The following SLC35F1 variants were observed in gnomAD, a reference collection of about 807,000 sequenced individuals.
SLC35F1 encodes the protein solute carrier family 35 member F1, also known as chromosome 6 open reading frame 169.
Under a neutral mutation model 48.7 loss-of-function variants are expected in SLC35F1, and 14 were observed. The ratio of observed to expected loss-of-function variants is 0.29; its 90% CI spans 0.19 to 0.45. The LOEUF is 0.45. Ranked by LOEUF, SLC35F1 falls within the 20% of genes least tolerant of loss-of-function variation. The probability of loss-of-function intolerance (pLI) is 1.00; values close to 1 mark genes in which losing one functional copy is unlikely to be tolerated. For synonymous variants in SLC35F1, 190 were observed against 202.2 expected (o/e 0.94, Z 0.51); for missense variants, 404 against 500.0 (o/e 0.81, Z 1.83).
intron 1 of SLC35F1, among the ~76,000 whole-genome samples, chr6:118,013,564 A>G (rs958948916): frequency 3.9e-5 from 6 of 152,218 alleles, no homozygotes; most frequent in African/African-American, 1.4e-4. Flanking sequence ...CCTTTTCAAT[A>G]TCTACCCCAC....
chr6:118,078,924 C>T (rs1772864348), intron 1 of SLC35F1, among the ~76,000 whole-genome samples: 1 of 152,180 alleles, frequency 6.6e-6, no homozygotes. Context: ...TTTTGGAATG[C>T]CTTGTGAGAC....
At chr6:118,198,985 G>A (rs1318562018) in intron 2 of SLC35F1, among the ~76,000 whole-genome samples, 1 of 152,168 alleles carries the variant, frequency 6.6e-6, no homozygotes, top group African/African-American at 2.4e-5. Context: ...GATCCATGGT[G>A]AGCCAGTCCC....
At chr6:117,973,748 A>T (rs1021515986) in intron 1 of SLC35F1, among the ~76,000 whole-genome samples, 6 of 152,084 alleles carry the variant, frequency 3.9e-5, no homozygotes, top group Non-Finnish European at 4.4e-5. Flanking sequence ...GTTTTATAGA[A>T]ACTATACTTT....
chr6:118,283,565 G>A (rs1234041749), intron 6 of SLC35F1, among the ~76,000 whole-genome samples: 1 of 152,138 alleles, frequency 6.6e-6, no homozygotes, highest in Non-Finnish European at 1.5e-5. Flanking sequence ...ATTTAAATCA[G>A]TGACACCTTC....
intron 7 of SLC35F1, among the ~76,000 whole-genome samples, chr6:118,302,102 C>T (rs1010099514): frequency 2.6e-5 from 4 of 151,654 alleles, no homozygotes; most frequent in East Asian, 1.9e-4. Context: ...CATCTAACGC[C>T]GTATCTATTA....
rs774686648 is a variant in SLC35F1, at chr6:118,082,914, CTG to C, written c.174-71530_174-71529del. 1.3e-5 allele frequency among the ~76,000 whole-genome samples: 2 copies of C among 152,100 alleles called. 1 individual carries two copies. The highest frequency in any genetic ancestry group is 2.9e-5 in the Non-Finnish European group (2 of 68,030). On this transcript the variant is annotated intron_variant, in intron 1 of 7. Coordinates refer to ENST00000360388, the MANE Select transcript of SLC35F1 (RefSeq NM_001029858.4). ...CACAATGGCCTGGAGAAGGAAGACTCTGAATAGTCAGCCTGGATGACACTCAC... is the reference window on the plus strand; with the variant it reads ...CACAATGGCCTGGAGAAGGAAGACTCAATAGTCAGCCTGGATGACACTCAC...
At chr6:118,034,784 CTT>C (rs143416846) in intron 1 of SLC35F1, among the ~76,000 whole-genome samples, 2,204 of 152,206 alleles carry the variant, frequency 0.014, 61 homozygotes, top group African/African-American at 0.05. Context: ...CTCCCAGACT[CTT>C]TATTTCAGGG....
intron 1 of SLC35F1, among the ~76,000 whole-genome samples, chr6:118,144,581 A>G (rs181799030): frequency 1.0e-4 from 15 of 146,820 alleles, no homozygotes; most frequent in Non-Finnish European, 2.2e-4. Context: ...CATGTATCCC[A>G]GAACTTAAAA....
chr6:118,143,474 C>T (rs1773922305), intron 1 of SLC35F1, among the ~76,000 whole-genome samples: 1 of 152,130 alleles, frequency 6.6e-6, no homozygotes, highest in Non-Finnish European at 1.5e-5. Flanking sequence ...TCATAATACT[C>T]ATTTCATGTA....
At chr6:118,171,940 C>G (rs1233476600) in intron 2 of SLC35F1, among the ~76,000 whole-genome samples, 1 of 152,170 alleles carries the variant, frequency 6.6e-6, no homozygotes, top group Non-Finnish European at 1.5e-5. Flanking sequence ...AAGAATGCCA[C>G]TGCCAGAGCA....
chr6:117,997,055 T>A (rs201936777), intron 1 of SLC35F1, among the ~76,000 whole-genome samples: 14 of 152,136 alleles, frequency 9.2e-5, no homozygotes, highest in Admixed American at 7.8e-4. Flanking sequence ...ATAACTAGAA[T>A]AACCAATACA....
intron 4 of SLC35F1, 101 bp downstream of exon 4, chr6:118,267,255 C>T: frequency 7.4e-7 from 1 of 1,346,068 alleles, no homozygotes; most frequent in Non-Finnish European, 1.0e-6. Context: ...CCTTAGGAAC[C>T]TGGATTTCCC....
chr6:118,137,864 G>A (rs1773820354), intron 1 of SLC35F1, among the ~76,000 whole-genome samples: 1 of 152,146 alleles, frequency 6.6e-6, no homozygotes, highest in Admixed American at 6.5e-5. Flanking sequence ...ATAGTTCTGT[G>A]CTGTCCTTCC....
intron 1 of SLC35F1, among the ~76,000 whole-genome samples, chr6:117,971,521 A>G (rs1200471240): frequency 4.6e-5 from 7 of 152,182 alleles, no homozygotes; most frequent in Non-Finnish European, 1.0e-4. Flanking sequence ...CTCCAACCCA[A>G]CATTTCCCTT....
chr6:118,112,165 T>C (rs918934949), intron 1 of SLC35F1, among the ~76,000 whole-genome samples: 3 of 150,576 alleles, frequency 2.0e-5, no homozygotes, highest in Non-Finnish European at 4.4e-5. Flanking sequence ...TGTCTTGTTC[T>C]GTCACCAGGC....
chr6:117,961,648 C>T (rs1562249121), intron 1 of SLC35F1, among the ~76,000 whole-genome samples: 1 of 152,110 alleles, frequency 6.6e-6, no homozygotes, highest in Non-Finnish European at 1.5e-5. Flanking sequence ...TTTTTTTATT[C>T]CACTATCAGT....
intron 6 of SLC35F1, 103 bp downstream of exon 6, chr6:118,277,649 T>C: frequency 1.0e-6 from 1 of 971,442 alleles, no homozygotes; most frequent in Non-Finnish European, 1.7e-6. Flanking sequence ...GGATTTAGAG[T>C]GGTAGGGGAC....
chr6:118,304,907 T>C (rs981532470), intron 7 of SLC35F1, among the ~76,000 whole-genome samples: 8 of 150,514 alleles, frequency 5.3e-5, no homozygotes, highest in African/African-American at 2.0e-4. Context: ...AAACACCACT[T>C]GATATTCCCT....
At chr6:117,978,961 G>A (rs926016061) in intron 1 of SLC35F1, among the ~76,000 whole-genome samples, 1 of 152,108 alleles carries the variant, frequency 6.6e-6, no homozygotes, top group Non-Finnish European at 1.5e-5. Flanking sequence ...GGGGCATGTG[G>A]AGCTTGCTCT....
Sources: gnomAD v4.1 joint callset for allele counts (sites outside exome capture counted in the v4.1 genomes callset) on GRCh38, gnomAD v4.1.1 for gene constraint, MANE v1.5 for transcripts, NCBI Gene and HGNC (gene_info 2026-07-23, HGNC 2026-07-21) for gene names.